Variants in CAMK2B observed in about 807,000 individuals in gnomAD.
CAMK2B encodes the protein calcium/calmodulin dependent protein kinase II beta.
CAMK2B carries 27 observed loss-of-function variants against 93.7 expected under a neutral mutation model. That is an observed-to-expected ratio of 0.29 (90% CI 0.21 to 0.40). The LOEUF is 0.40. Among genes scored for constraint, CAMK2B ranks in the 10% least tolerant of loss-of-function variants. The probability of loss-of-function intolerance (pLI) is 1.00; values close to 1 mark genes in which losing one functional copy is unlikely to be tolerated. For missense variants in CAMK2B, 568 were observed against 895.8 expected, an observed-to-expected ratio of 0.63 and a Z score of 4.67; for synonymous variants, 374 against 358.8, an observed-to-expected ratio of 1.04 and a Z score of -0.48.
chr7:44,255,558 C>T (rs894824901), intron 4 of CAMK2B, among the ~76,000 whole-genome samples: 20 of 152,182 alleles, frequency 1.3e-4, no homozygotes, highest in African/African-American at 4.6e-4. Flanking sequence ...GGGTCCAAGC[C>T]CCTCCTCTGC....
At chr7:44,282,629 C>T (rs1486860882) in intron 2 of CAMK2B, among the ~76,000 whole-genome samples, 1 of 152,190 alleles carries the variant, frequency 6.6e-6, no homozygotes, top group Non-Finnish European at 1.5e-5. Context: ...AAAGGACCTC[C>T]CCACAGCCTG....
intron 3 of CAMK2B, chr7:44,259,280 C>T (rs753614700): frequency 1.1e-4 from 27 of 240,038 alleles, no homozygotes; most frequent in African/African-American, 3.5e-4. Flanking sequence ...CCAAACACCA[C>T]GGAGATCAAC....
chr7:44,323,385 A>G (rs962720830), intron 1 of CAMK2B, among the ~76,000 whole-genome samples: 6 of 152,198 alleles, frequency 3.9e-5, no homozygotes, highest in African/African-American at 1.4e-4. Flanking sequence ...CTCTGGCTTG[A>G]CAGAGAAGCC....
chr7:44,220,256 G>A lies in CAMK2B; in HGVS notation c.1807C>T (p.Leu603=), dbSNP rs1385494294. 2 of 1,613,288 alleles carry A rather than the reference G, an allele frequency of 1.2e-6. No homozygotes were observed. The highest frequency in any genetic ancestry group is 2.2e-5 in the East Asian group (1 of 44,872). ...CCAATGACGTGCACGTGTGGGTTCA[G>A]GATGGTCGTGTGGATCGGCTTGCTG... ...KNSKPIHTTI[L]NPHVHVIGED... Residue 603 remains leucine (L), a synonymous_variant, in exon 23 of 24, where the codon CTG becomes TTG. Transcript: ENST00000395749.
chr7:44,232,790 G>C, intron 16 of CAMK2B, 32 bp downstream of exon 16: 1 of 1,609,670 alleles, frequency 6.2e-7, no homozygotes, highest in South Asian at 1.1e-5. Context: ...CTCCTGCCTG[G>C]GGAAAGCGGG....
chr7:44,269,700 G>A (rs767199577), intron 2 of CAMK2B, among the ~76,000 whole-genome samples: 32 of 152,102 alleles, frequency 2.1e-4, no homozygotes, highest in Non-Finnish European at 4.4e-4. Flanking sequence ...GGCGGCGGAG[G>A]GGCAGGAGGG....
chr7:44,224,359 G>A lies in CAMK2B; in HGVS notation c.1597+2157C>T, dbSNP rs565916361. On this transcript the variant is annotated intron_variant, in intron 20 of 23. Coordinates refer to ENST00000395749, the MANE Select transcript of CAMK2B (RefSeq NM_001220.5). The surrounding 1 kb of genome is among the most constrained non-coding windows in gnomAD (Gnocchi z 4.4). ...AGAAGGGCATGATCCCTGATGGAGGGAAAGGAGGGGGGCCCAACATGAAGA... is the reference window on the plus strand; with the variant it reads ...AGAAGGGCATGATCCCTGATGGAGGAAAAGGAGGGGGGCCCAACATGAAGA... Among the ~76,000 whole-genome samples the A allele has an allele frequency of 8.6e-4, 131 of 152,364 alleles. No individual in the cohort carries two copies. The highest frequency in any genetic ancestry group is 8.3e-3 in the Admixed American group (127 of 15,314).
intron 4 of CAMK2B, among the ~76,000 whole-genome samples, chr7:44,258,406 C>T (rs778564488): frequency 7.2e-5 from 11 of 152,270 alleles, no homozygotes; most frequent in East Asian, 1.9e-4. Flanking sequence ...CGCGCCCCCA[C>T]GTGCAAACAC....
intron 4 of CAMK2B, among the ~76,000 whole-genome samples, chr7:44,256,446 T>C (rs1036014105): frequency 6.6e-6 from 1 of 152,176 alleles, no homozygotes; most frequent in Non-Finnish European, 1.5e-5. Context: ...TGCATGTGTG[T>C]ACAACTGTGT....
intron 1 of CAMK2B, among the ~76,000 whole-genome samples, chr7:44,308,397 GTGGCGCCCAGCA>G (rs1047103115): frequency 7.2e-5 from 11 of 152,098 alleles, no homozygotes. Context: ...CCTGTGTGTG[GTGGCGCCCAGCA>G]TGGTGTCCTG....
Position 44,224,774 on chromosome 7 carries a change from C to T in CAMK2B, c.1597+1742G>A, listed in dbSNP as rs368072363. Among the ~76,000 whole-genome samples, 10 of 152,126 alleles carry T rather than the reference C, an allele frequency of 6.6e-5. No homozygotes were observed. The highest frequency in any genetic ancestry group is 1.9e-4 in the East Asian group (1 of 5,172). On this transcript the variant is annotated intron_variant, in intron 20 of 23. Transcript: ENST00000395749. The surrounding 1 kb of genome is among the most constrained non-coding windows in gnomAD (Gnocchi z 4.4). ...TTAGAGAGCGTGGGTGGGGAGGAGA[C>T]GGGGCCTGAGGCGGGCCGTGGGCAC...
intron 16 of CAMK2B, among the ~76,000 whole-genome samples, chr7:44,232,439 TG>T (rs1268531996): frequency 6.6e-6 from 1 of 151,936 alleles, no homozygotes; most frequent in Non-Finnish European, 1.5e-5. Context: ...CAGGAAGCAC[TG>T]GGGGCCACGT....
At chr7:44,285,202 C>T (rs112563439) in intron 1 of CAMK2B, among the ~76,000 whole-genome samples, 3,371 of 152,320 alleles carry the variant, frequency 0.022, 51 homozygotes, top group Middle Eastern at 0.065. Flanking sequence ...TGACTAGTCA[C>T]CACGGTTGAT....
At chr7:44,259,771 T>C (rs564489764) in intron 3 of CAMK2B, among the ~76,000 whole-genome samples, 10 of 152,102 alleles carry the variant, frequency 6.6e-5, no homozygotes, top group Non-Finnish European at 1.3e-4. Flanking sequence ...GCAAATATTT[T>C]CTAGGAATGA....
chr7:44,220,979 G>T, intron 20 of CAMK2B, 78 bp from the exon 21 acceptor site: 1 of 1,221,266 alleles, frequency 8.2e-7, no homozygotes, highest in Non-Finnish European at 1.2e-6. Flanking sequence ...CCAGGGGAGG[G>T]CCTGGGGGAG....
rs188553489 is a variant in CAMK2B at position 44,293,254 on chromosome 7, G to C, written c.66-9029C>G. ...CCGGCTCATCCTCTGGTCAAGCCAG[G>C]AAAGTATATTCAGAGATACCATTTT... On this transcript the variant is annotated intron_variant, in intron 1 of 23. Coordinates refer to ENST00000395749, the MANE Select transcript of CAMK2B (RefSeq NM_001220.5). Among the ~76,000 whole-genome samples the C allele has an allele frequency of 2.2e-3, 329 of 152,352 alleles. 1 individual carries two copies. The highest frequency in any genetic ancestry group is 2.8e-3 in the Non-Finnish European group (191 of 68,046).
intron 8 of CAMK2B, among the ~76,000 whole-genome samples, chr7:44,243,025 C>T (rs886316883): frequency 1.3e-5 from 2 of 152,222 alleles, no homozygotes; most frequent in Admixed American, 6.5e-5. Context: ...TGAGCGCAGG[C>T]GAGCACTGGG....
chr7:44,314,199 TGA>T (rs1794291463), intron 1 of CAMK2B, among the ~76,000 whole-genome samples: 1 of 152,234 alleles, frequency 6.6e-6, no homozygotes, highest in South Asian at 2.1e-4. Context: ...ACAAATATAT[TGA>T]GAGTTGTATA....
intron 1 of CAMK2B, among the ~76,000 whole-genome samples, chr7:44,305,358 C>T (rs1352696519): frequency 2.0e-5 from 3 of 152,162 alleles, no homozygotes; most frequent in Admixed American, 6.5e-5. Context: ...GTGGCTCATG[C>T]CTATAATCCC....
Sources: allele counts gnomAD v4.1 joint callset (sites outside exome capture counted in the v4.1 genomes callset), GRCh38; gene constraint gnomAD v4.1.1; non-coding constraint Gnocchi (gnomAD v3.1); transcripts MANE v1.5; gene names NCBI Gene and HGNC (gene_info 2026-07-23, HGNC 2026-07-21).